Variants in SND1 observed in about 807,000 individuals in gnomAD.
The protein encoded by SND1 is staphylococcal nuclease domain-containing protein 1.
In SND1, 38 loss-of-function variants were observed where a neutral mutation model predicts 121.7. The ratio of observed to expected loss-of-function variants is 0.31; its 90% confidence interval spans 0.24 to 0.41. The LOEUF is 0.41. Among genes scored for constraint, SND1 ranks in the 10% least tolerant of loss-of-function variants. SND1 has a pLI of 1.00. For missense variants in SND1, 868 were observed against 1,184.6 expected (o/e 0.73, Z 3.92); for synonymous variants, 401 against 447.4 (o/e 0.90, Z 1.31).
intron 11 of SND1, among the ~76,000 whole-genome samples, chr7:127,835,804 C>T (rs1162817525): frequency 6.6e-6 from 1 of 152,168 alleles, no homozygotes; most frequent in Non-Finnish European, 1.5e-5. Context: ...AGGTACCCCT[C>T]AGATTTATTT....
In SND1 at chr7:127,968,599, G is replaced by A. The variant is rs570046141; in HGVS notation, c.1670-22348G>A. On this transcript the variant is annotated intron_variant, in intron 15 of 23. Coordinates refer to ENST00000354725, the MANE Select transcript of SND1 (RefSeq NM_014390.4). Reference sequence around the variant, plus strand: ...TCTGGTTGATATTGTGAAATGTTATGTTCATATAGTTTGCACACAGAGTCT... The same window carrying A: ...TCTGGTTGATATTGTGAAATGTTATATTCATATAGTTTGCACACAGAGTCT... Among the ~76,000 whole-genome samples the A allele has an allele frequency of 2.6e-5, 4 of 152,342 alleles. No individual in the cohort carries two copies. The South Asian group carries it at 8.3e-4, about 32-fold the overall frequency.
At chr7:127,689,459 G>T (rs75175655) in intron 2 of SND1, among the ~76,000 whole-genome samples, 43 of 152,268 alleles carry the variant, frequency 2.8e-4, no homozygotes, top group Non-Finnish European at 5.0e-4. Flanking sequence ...AAGAAAGAAG[G>T]GTTGGATTTT....
chr7:127,669,115 C>T (rs982758146), intron 1 of SND1, among the ~76,000 whole-genome samples: 11 of 152,180 alleles, frequency 7.2e-5, no homozygotes, highest in African/African-American at 2.7e-4. Flanking sequence ...GCGTCAGCCT[C>T]CTGAATAGCT....
chr7:127,915,733 T>G (rs909194540), intron 14 of SND1, among the ~76,000 whole-genome samples: 1 of 152,196 alleles, frequency 6.6e-6, no homozygotes. Context: ...TTGAAGTGAT[T>G]TCAAAGTGAG....
intron 12 of SND1, among the ~76,000 whole-genome samples, chr7:127,858,671 A>G (rs1379181349): frequency 2.6e-5 from 4 of 152,172 alleles, no homozygotes; most frequent in Non-Finnish European, 5.9e-5. Flanking sequence ...GCCATAAACC[A>G]TAATGGACAG....
At chr7:127,830,134 A>G (rs1256371679) in intron 11 of SND1, among the ~76,000 whole-genome samples, 3 of 152,006 alleles carry the variant, frequency 2.0e-5, no homozygotes, top group Non-Finnish European at 2.9e-5. Flanking sequence ...TGTAATCCCA[A>G]CACTCTGGGA....
chr7:127,914,515 ATG>A (rs2116786167), intron 14 of SND1, among the ~76,000 whole-genome samples: 1 of 152,266 alleles, frequency 6.6e-6, no homozygotes, highest in East Asian at 1.9e-4. Context: ...GTTGTTTAAT[ATG>A]TGTGCATTGG....
At chr7:127,832,810 C>T (rs980771095) in intron 11 of SND1, among the ~76,000 whole-genome samples, 31 of 152,224 alleles carry the variant, frequency 2.0e-4, no homozygotes, top group African/African-American at 7.2e-4. Flanking sequence ...GCAGGCCAGC[C>T]AGCGTCACTG....
chr7:127,956,289 C>T, intron 15 of SND1, among the ~76,000 whole-genome samples: 1 of 152,218 alleles, frequency 6.6e-6, no homozygotes, highest in Non-Finnish European at 1.5e-5. Flanking sequence ...TACCTGCTCC[C>T]TGAAATCCAG....
chr7:127,771,541 G>C (rs1710921594), intron 10 of SND1, among the ~76,000 whole-genome samples: 1 of 152,046 alleles, frequency 6.6e-6, no homozygotes, highest in African/African-American at 2.4e-5. Flanking sequence ...TTCCATCTGT[G>C]GTAGATTTGT....
intron 16 of SND1, among the ~76,000 whole-genome samples, chr7:128,065,636 C>CACA (rs995762297): frequency 1.3e-5 from 2 of 152,270 alleles, no homozygotes; most frequent in African/African-American, 4.8e-5. Flanking sequence ...ACCCCTAGCT[C>CACA]CATCCCTTTA....
intron 16 of SND1, among the ~76,000 whole-genome samples, chr7:128,047,767 A>C (rs1031767577): frequency 6.6e-6 from 1 of 152,208 alleles, no homozygotes; most frequent in Non-Finnish European, 1.5e-5. Flanking sequence ...GGGCAGGTTT[A>C]AGATAGACTC....
chr7:127,698,294 C>G (rs976426406), intron 3 of SND1, among the ~76,000 whole-genome samples: 3 of 152,138 alleles, frequency 2.0e-5, no homozygotes, highest in Non-Finnish European at 2.9e-5. Flanking sequence ...CGTGTGATAG[C>G]CAGCCCTAAA....
intron 12 of SND1, among the ~76,000 whole-genome samples, chr7:127,882,855 C>A (rs1264453326): frequency 2.6e-5 from 4 of 152,096 alleles, no homozygotes; most frequent in Non-Finnish European, 5.9e-5. Context: ...TTGAGTGTAT[C>A]AGTAATTCTA....
At chr7:127,951,806 G>T (rs1801469052) in intron 15 of SND1, among the ~76,000 whole-genome samples, 3 of 152,148 alleles carry the variant, frequency 2.0e-5, no homozygotes, top group African/African-American at 7.2e-5. Flanking sequence ...GACCTTAGGT[G>T]TTGTCTTGTG....
At chr7:127,858,148 G>T in intron 12 of SND1, 1 of 835,394 alleles carries the variant, frequency 1.2e-6, no homozygotes, top group Non-Finnish European at 2.1e-6. Flanking sequence ...TGGGGGTGTG[G>T]GATTGTGGGG....
intron 12 of SND1, among the ~76,000 whole-genome samples, chr7:127,872,112 C>A (rs1799601330): frequency 6.6e-6 from 1 of 152,154 alleles, no homozygotes; most frequent in South Asian, 2.1e-4. Flanking sequence ...GCCTGGGCAA[C>A]AAAGTGAGAC....
intron 9 of SND1, among the ~76,000 whole-genome samples, chr7:127,709,233 AACTC>A (rs1396989017): frequency 6.6e-6 from 1 of 152,150 alleles, no homozygotes; most frequent in Non-Finnish European, 1.5e-5. Flanking sequence ...GCCTACTTGG[AACTC>A]ACTCAGTTGT....
At chr7:128,033,593 C>T (rs1255565752) in intron 16 of SND1, among the ~76,000 whole-genome samples, 1 of 152,208 alleles carries the variant, frequency 6.6e-6, no homozygotes, top group Admixed American at 6.5e-5. Context: ...CCATGGAATA[C>T]TTGAAGTCCT....
Sources: gnomAD v4.1 joint callset for allele counts (sites outside exome capture counted in the v4.1 genomes callset) on GRCh38, gnomAD v4.1.1 for gene constraint, MANE v1.5 for transcripts, NCBI Gene and HGNC (gene_info 2026-07-23, HGNC 2026-07-21) for gene names.